The following TANC2 variants were observed in gnomAD, a reference collection of about 807,000 sequenced individuals.
TANC2 encodes protein TANC2.
TANC2 carries 26 observed loss-of-function variants against 210.5 expected under a neutral mutation model. The ratio of observed to expected loss-of-function variants is 0.12; its 90% CI spans 0.09 to 0.17. The LOEUF is 0.17. TANC2 is among the 10% of genes least tolerant of loss of function. TANC2 has a pLI of 1.00. For synonymous variants in TANC2, 931 were observed against 967.1 expected (o/e 0.96, Z 0.69); for missense variants, 2,129 against 2,608.9 (o/e 0.82, Z 4.01).
intron 1 of TANC2, among the ~76,000 whole-genome samples, chr17:63,002,601 T>C (rs1417140216): frequency 6.6e-6 from 1 of 152,200 alleles, no homozygotes; most frequent in East Asian, 1.9e-4. Context: ...TCAAAACATA[T>C]AGAATATTAC....
At chr17:63,148,948 T>A (rs2039554410) in intron 4 of TANC2, 1 of 152,164 alleles carries the variant, frequency 6.6e-6, no homozygotes, top group Non-Finnish European at 1.5e-5. Context: ...TTTCTGTGAC[T>A]TGGATGAGAA....
chr17:63,330,098 A>G (rs2045785759), intron 11 of TANC2, among the ~76,000 whole-genome samples: 1 of 152,358 alleles, frequency 6.6e-6, no homozygotes, highest in Admixed American at 6.5e-5. Flanking sequence ...TTAGTGGTCT[A>G]GTTAGAAAAT....
chr17:63,364,729 G>A (rs1195102340), intron 14 of TANC2, among the ~76,000 whole-genome samples: 1 of 151,910 alleles, frequency 6.6e-6, no homozygotes, highest in Non-Finnish European at 1.5e-5. Context: ...CAAGGTTACA[G>A]TGAGGTATGT....
intron 2 of TANC2, among the ~76,000 whole-genome samples, chr17:63,025,890 T>C (rs2144069159): frequency 6.6e-6 from 1 of 151,804 alleles, no homozygotes; most frequent in South Asian, 2.1e-4. Context: ...GTTGGTTAGG[T>C]ACCTATGTCC....
intron 5 of TANC2, among the ~76,000 whole-genome samples, chr17:63,188,637 T>A (rs1164757446): frequency 2.6e-5 from 4 of 151,944 alleles, no homozygotes; most frequent in Admixed American, 2.0e-4. Flanking sequence ...GTAGTCTAGT[T>A]AATTGTATTC....
intron 14 of TANC2, among the ~76,000 whole-genome samples, chr17:63,377,595 C>T (rs2047465540): frequency 6.6e-6 from 1 of 152,146 alleles, no homozygotes; most frequent in Admixed American, 6.5e-5. Flanking sequence ...TGGTCAAAGC[C>T]ATTCAACAAG....
At chr17:63,213,798 T>C (rs560758358) in intron 7 of TANC2, among the ~76,000 whole-genome samples, 55 of 152,330 alleles carry the variant, frequency 3.6e-4, no homozygotes, top group Admixed American at 3.0e-3. Context: ...TGAAATAATA[T>C]GATAACTTAA....
chr17:63,193,019 G>A (rs937625491), intron 5 of TANC2, among the ~76,000 whole-genome samples: 2 of 152,096 alleles, frequency 1.3e-5, no homozygotes, highest in Admixed American at 6.5e-5. Flanking sequence ...AGAAAAATTT[G>A]CAAAAGATTA....
chr17:63,340,978 G>A (rs149018786), intron 12 of TANC2, among the ~76,000 whole-genome samples: 1,913 of 152,244 alleles, frequency 0.013, 32 homozygotes, highest in Non-Finnish European at 0.02. Flanking sequence ...TGGCCTAAGT[G>A]CAACCATTTC....
chr17:63,024,960 A>T (rs1365779576), intron 2 of TANC2, among the ~76,000 whole-genome samples: 1 of 152,128 alleles, frequency 6.6e-6, no homozygotes, highest in Admixed American at 6.5e-5. Context: ...AGTAGCCAAA[A>T]ATTTGGTGGC....
intron 4 of TANC2, among the ~76,000 whole-genome samples, chr17:63,146,659 A>G (rs920927393): frequency 5.9e-5 from 9 of 151,742 alleles, no homozygotes; most frequent in African/African-American, 1.7e-4. Context: ...CTCCTAAAAA[A>G]TCCCTTCTGC....
Position 63,200,970 on chromosome 17 carries a change from T to A in TANC2, c.769+13T>A, listed in dbSNP as rs541106250. The A allele has an allele frequency of 6.3e-7, 1 of 1,590,364 alleles. No homozygotes were observed. The highest frequency in any genetic ancestry group is 1.2e-5 in the South Asian group (1 of 86,860). On this transcript the variant is annotated intron_variant, in intron 7 of 27. Coordinates refer to ENST00000689528, the Ensembl canonical transcript of TANC2. ...AGTGGCATCATTGGTGAGTTGGTTT[T>A]TATATTGATAATTTTGTGTCCTTTT... is the stretch of plus-strand genomic sequence containing the variant.
intron 2 of TANC2, among the ~76,000 whole-genome samples, chr17:63,031,493 C>T (rs2034768628): frequency 6.6e-6 from 1 of 152,120 alleles, no homozygotes; most frequent in African/African-American, 2.4e-5. Context: ...ATACTAGTCA[C>T]TATAGTCACT....
chr17:63,420,721 C>T lies in TANC2; in HGVS notation c.4991C>T (p.Pro1664Leu), dbSNP rs2049000372. ...CAGCTTCCTGGCAGACCCAAATCTC[C>T]ATTATCCAAAATGGCCCAGCGGCCC... is the stretch of plus-strand genomic sequence containing the variant. The change falls in exon 28 of 28, where the codon CCA becomes CTA. Residue 1664 changes from proline to leucine, a missense_variant. Pro to Leu is a moderately conservative substitution (Grantham distance 98, BLOSUM62 -3). Transcript: ENST00000689528. This position sits in a 1 kb window ranked among gnomAD's most constrained non-coding sequence, Gnocchi z 4.2. 6.2e-7 allele frequency: 1 copy of T among 1,613,914 alleles called. No individual in the cohort carries two copies. The highest frequency in any genetic ancestry group is 1.3e-5 in the African/African-American group (1 of 74,938).
At chr17:63,386,768 G>T (rs2047792391) in intron 15 of TANC2, among the ~76,000 whole-genome samples, 1 of 152,020 alleles carries the variant, frequency 6.6e-6, no homozygotes, top group Non-Finnish European at 1.5e-5. Flanking sequence ...TATTTTATTT[G>T]ATTTTTATAA....
In TANC2 at chr17:63,218,624, G is replaced by A. The variant is rs144965014; in HGVS notation, c.769+17667G>A. Among the ~76,000 whole-genome samples the A allele has an allele frequency of 7.2e-5, 11 of 152,242 alleles. No homozygotes were observed. In the South Asian group the frequency reaches 1.0e-3, roughly 14 times the overall value. On this transcript the variant is annotated intron_variant, in intron 7 of 27. Transcript: ENST00000689528. Reference sequence around the variant, plus strand: ...AGAAACTAGTGAGTTAGCTGGACACGGTGGCTCACCCCTGTAATCCCAGTA... The same window carrying A: ...AGAAACTAGTGAGTTAGCTGGACACAGTGGCTCACCCCTGTAATCCCAGTA...
chr17:63,055,261 A>G (rs1453507254), intron 2 of TANC2, among the ~76,000 whole-genome samples: 2 of 152,116 alleles, frequency 1.3e-5, no homozygotes, highest in East Asian at 1.9e-4. Flanking sequence ...AAAGCTGTCT[A>G]CTCTGTGAGG....
chr17:63,288,881 G>A (rs1228576536), intron 9 of TANC2, among the ~76,000 whole-genome samples: 5 of 152,140 alleles, frequency 3.3e-5, no homozygotes, highest in Admixed American at 6.5e-5. Context: ...AGGCAAGTCT[G>A]GCAACAAATT....
intron 5 of TANC2, among the ~76,000 whole-genome samples, chr17:63,183,921 G>T (rs1598553470): frequency 6.6e-6 from 1 of 151,994 alleles, no homozygotes; most frequent in Non-Finnish European, 1.5e-5. Flanking sequence ...AAAGGCTGAG[G>T]CAGGAGAATG....
Sources: gnomAD v4.1 joint callset for allele counts (sites outside exome capture counted in the v4.1 genomes callset) on GRCh38, gnomAD v4.1.1 for gene constraint, Gnocchi (gnomAD v3.1) non-coding constraint, MANE v1.5 for transcripts, NCBI Gene and HGNC (gene_info 2026-07-23, HGNC 2026-07-21) for gene names.